Variants in GUCY1A2 observed in about 807,000 individuals in gnomAD.
The protein encoded by GUCY1A2 is guanylate cyclase soluble subunit alpha-2.
GUCY1A2 carries 27 observed loss-of-function variants against 63.5 expected under a neutral mutation model. The observed-to-expected ratio is 0.43, with a 90% CI of 0.31 to 0.59. The LOEUF is 0.59. Ranked by LOEUF, GUCY1A2 falls within the 20% of genes least tolerant of loss-of-function variation. The pLI, the probability that GUCY1A2 is intolerant of heterozygous loss-of-function variation, is 0.11. For synonymous variants in GUCY1A2, 364 were observed against 343.5 expected (o/e 1.06, Z -0.66); for missense variants, 768 against 913.3 (o/e 0.84, Z 2.05).
At chr11:106,948,454 T>C (rs566204843) in intron 3 of GUCY1A2, among the ~76,000 whole-genome samples, 1 of 152,232 alleles carries the variant, frequency 6.6e-6, no homozygotes, top group South Asian at 2.1e-4. Context: ...CAGTAGATTC[T>C]GAAAAGTGTG....
At chr11:106,809,950 A>T in intron 5 of GUCY1A2, 43 bp downstream of exon 5, 1 of 1,252,646 alleles carries the variant, frequency 8.0e-7, no homozygotes. Context: ...ATGACAATTT[A>T]CTATTAAAAA....
intron 6 of GUCY1A2, among the ~76,000 whole-genome samples, chr11:106,758,586 T>G (rs1448635991): frequency 6.6e-6 from 1 of 152,176 alleles, no homozygotes; most frequent in Non-Finnish European, 1.5e-5. Context: ...TCTGCATTGA[T>G]CTCACTGGGA....
At position 106,676,105 on chromosome 11, in the gene GUCY1A2, A is replaced by C. The variant is rs1862341612; in HGVS notation, c.*11444T>G. 5.5e-6 allele frequency: 1 copy of C among 181,680 alleles called. No homozygotes were observed. The highest frequency in any genetic ancestry group is 6.3e-5 in the Admixed American group (1 of 15,904). The allele number at this position is 181,680 out of a possible 1,614,324, so 11.3% of individuals were successfully genotyped here. A position where few individuals can be genotyped will look rare whatever the true frequency, so the allele number is the denominator to read the frequency against. On this transcript the variant is annotated 3_prime_UTR_variant, in exon 8 of 8. Transcript: ENST00000526355. Reference sequence around the variant, plus strand: ...ATGAAGATAATTAAGTGGTTTGAATATAATCTTAATACATAAAAATAAAAA... The same window carrying C: ...ATGAAGATAATTAAGTGGTTTGAATCTAATCTTAATACATAAAAATAAAAA...
chr11:106,894,207 G>A (rs1439279399), intron 4 of GUCY1A2, among the ~76,000 whole-genome samples: 2 of 152,128 alleles, frequency 1.3e-5, no homozygotes. Context: ...GGGATGAAGA[G>A]GGTCATTACA....
intron 3 of GUCY1A2, among the ~76,000 whole-genome samples, chr11:106,957,427 G>A (rs1018049033): frequency 3.3e-5 from 5 of 152,156 alleles, no homozygotes; most frequent in South Asian, 4.1e-4. Context: ...CCCTGGTGGC[G>A]TGGGTTCACG....
At chr11:106,936,602 G>C (rs1414502049) in intron 4 of GUCY1A2, 1 of 999,974 alleles carries the variant, frequency 1.0e-6, no homozygotes, top group Non-Finnish European at 1.5e-6. Context: ...GAAACCAAGT[G>C]ATAGAATCAA....
At chr11:106,902,937 T>C (rs1006429260) in intron 4 of GUCY1A2, among the ~76,000 whole-genome samples, 1 of 152,162 alleles carries the variant, frequency 6.6e-6, no homozygotes, top group African/African-American at 2.4e-5. Context: ...TGGGAGGCCC[T>C]GGAACCAATC....
rs756191440 is a variant in GUCY1A2, at chr11:107,017,783, G to A, written c.273C>T (p.Gly91=). Residue 91 remains glycine, a synonymous_variant, in exon 1 of 8, where the codon GGC becomes GGT. Coordinates refer to ENST00000526355, the MANE Select transcript of GUCY1A2 (RefSeq NM_000855.3). Reference sequence around the variant, plus strand: ...GCGCCGTCAGGCGGCTGATGCTCTCGCCCAGCGAGTCCAGGTTGACCCGCC... The same window carrying A: ...GCGCCGTCAGGCGGCTGATGCTCTCACCCAGCGAGTCCAGGTTGACCCGCC... ...RRRRVNLDSL[G]ESISRLTAPS... The A allele has an allele frequency of 1.7e-5, 25 of 1,429,426 alleles. No individual in the cohort carries two copies. In the Middle Eastern group the frequency reaches 7.7e-4, roughly 44 times the overall value. 88.5% of individuals were successfully genotyped at this position (1,429,426 alleles called of 1,614,324 possible).
chr11:106,744,398 C>G (rs986156440), intron 6 of GUCY1A2, among the ~76,000 whole-genome samples: 1 of 152,134 alleles, frequency 6.6e-6, no homozygotes, highest in Non-Finnish European at 1.5e-5. Context: ...AGGCACCCAC[C>G]ACCACACCCG....
chr11:106,984,899 AAAT>A (rs1005817615), intron 2 of GUCY1A2, among the ~76,000 whole-genome samples: 9 of 152,188 alleles, frequency 5.9e-5, no homozygotes, highest in African/African-American at 1.7e-4. Context: ...TCATGAGTTT[AAAT>A]AATATGTTTT....
At chr11:106,813,379 C>G (rs1003553122) in intron 4 of GUCY1A2, among the ~76,000 whole-genome samples, 10 of 151,606 alleles carry the variant, frequency 6.6e-5, no homozygotes, top group Admixed American at 6.6e-4. Context: ...TACTTTTATG[C>G]TGGGTTGGGG....
In GUCY1A2 at chr11:106,682,986, A is replaced by G; in HGVS notation, c.*4563T>C. On this transcript the variant is annotated 3_prime_UTR_variant, in exon 8 of 8. Transcript: ENST00000526355. Reference sequence around the variant, plus strand: ...CTGCTCTTCATTCACCACTACGAGGATCTTGAAATTGAGTCCATAGCTGAG... The same window carrying G: ...CTGCTCTTCATTCACCACTACGAGGGTCTTGAAATTGAGTCCATAGCTGAG... The G allele has an allele frequency of 4.6e-6, 1 of 216,740 alleles. No individual in the cohort carries two copies. The allele number at this position is 216,740 out of a possible 1,614,324, so 13.4% of individuals were successfully genotyped here. A position where few individuals can be genotyped will look rare whatever the true frequency, so the allele number is the denominator to read the frequency against.
At position 106,847,541 on chromosome 11, in the gene GUCY1A2, G is replaced by A. The variant is rs1185780200; in HGVS notation, c.1207-37063C>T. Among the ~76,000 whole-genome samples the A allele has an allele frequency of 4.0e-5, 6 of 151,450 alleles. No individual in the cohort carries two copies. The South Asian group carries it at 6.2e-4, about 16-fold the overall frequency. ...GAGGCAAAATAAACAAAGCCACAAA[G>A]CCCTGGGGACCCAAAGGAAGGAGAA... On this transcript the variant is annotated intron_variant, in intron 4 of 7. Coordinates refer to ENST00000526355, the MANE Select transcript of GUCY1A2 (RefSeq NM_000855.3).
At chr11:106,872,900 C>T (rs1054960824) in intron 4 of GUCY1A2, among the ~76,000 whole-genome samples, 1 of 152,130 alleles carries the variant, frequency 6.6e-6, no homozygotes, top group Non-Finnish European at 1.5e-5. Context: ...ATTGACCCGT[C>T]CTCTGAAGTT....
intron 7 of GUCY1A2, among the ~76,000 whole-genome samples, chr11:106,689,820 C>G (rs897839784): frequency 5.9e-5 from 9 of 151,826 alleles, no homozygotes; most frequent in Admixed American, 1.3e-4. Flanking sequence ...GGTGAAACCC[C>G]ATCTTTATTA....
At chr11:106,801,985 G>T (rs1858610354) in intron 5 of GUCY1A2, among the ~76,000 whole-genome samples, 1 of 152,134 alleles carries the variant, frequency 6.6e-6, no homozygotes, top group Non-Finnish European at 1.5e-5. Context: ...AAGTAAATGT[G>T]AATTCTGTTA....
Position 106,686,826 on chromosome 11 carries a change from TATA to T in GUCY1A2, c.*720_*722del. The T allele has an allele frequency of 5.1e-6, 1 of 196,774 alleles. No homozygotes were observed. The highest frequency in any genetic ancestry group is 1.1e-5 in the Non-Finnish European group (1 of 94,822). The allele number at this position is 196,774 out of a possible 1,614,324, so 12.2% of individuals were successfully genotyped here. A position where few individuals can be genotyped will look rare whatever the true frequency, so the allele number is the denominator to read the frequency against. ...AAAAGATATATTTACTAAGCAGACATATAATGCTTTCTTGGTATCTGAAATCCT... is the reference window on the plus strand; with the variant it reads ...AAAAGATATATTTACTAAGCAGACATATGCTTTCTTGGTATCTGAAATCCT... On this transcript the variant is annotated 3_prime_UTR_variant, in exon 8 of 8. Coordinates refer to ENST00000526355, the MANE Select transcript of GUCY1A2 (RefSeq NM_000855.3).
intron 4 of GUCY1A2, among the ~76,000 whole-genome samples, chr11:106,930,989 A>C (rs1860593396): frequency 6.6e-6 from 1 of 152,250 alleles, no homozygotes; most frequent in South Asian, 2.1e-4. Flanking sequence ...ATATGTAAAC[A>C]GTGTTGACCG....
At chr11:107,015,561 CAAAAAAAAAAAAAAAAAA>C (rs568139219) in intron 1 of GUCY1A2, among the ~76,000 whole-genome samples, 75 of 27,508 alleles carry the variant, frequency 2.7e-3, no homozygotes, top group Admixed American at 0.013. Flanking sequence ...TTCTCTTAGG[CAAAAAAAAAAAAAAAAAA>C]AAAAAAAAAA....
Sources: gnomAD v4.1 joint callset for allele counts (sites outside exome capture counted in the v4.1 genomes callset) on GRCh38, gnomAD v4.1.1 for gene constraint, MANE v1.5 for transcripts, NCBI Gene and HGNC (gene_info 2026-07-23, HGNC 2026-07-21) for gene names.